The following MINDY2 variants were observed in gnomAD, a reference collection of about 807,000 sequenced individuals.
MINDY2 encodes ubiquitin carboxyl-terminal hydrolase MINDY-2.
MINDY2 carries 52 observed loss-of-function variants against 68.2 expected under a neutral mutation model. The ratio of observed to expected loss-of-function variants is 0.76; its 90% CI spans 0.61 to 0.96. The LOEUF (loss-of-function observed/expected upper bound fraction) is 0.96. Ranked by LOEUF, MINDY2 falls within the 40% of genes least tolerant of loss-of-function variation. The pLI is 0.00. For synonymous variants in MINDY2, 372 were observed against 303.0 expected, an observed-to-expected ratio of 1.23 and a Z score of -2.36; for missense variants, 881 against 773.4, an observed-to-expected ratio of 1.14 and a Z score of -1.65.
intron 1 of MINDY2, among the ~76,000 whole-genome samples, chr15:58,774,987 G>C (rs1277190834): frequency 6.6e-6 from 1 of 152,164 alleles, no homozygotes; most frequent in African/African-American, 2.4e-5. Context: ...CCAGTCATAA[G>C]TAATCATTGA....
intron 7 of MINDY2, 59 bp downstream of exon 7, chr15:58,847,529 T>G: frequency 7.1e-7 from 1 of 1,407,574 alleles, no homozygotes; most frequent in Non-Finnish European, 9.5e-7. Context: ...CAAATGTGAA[T>G]TCATGTATCC....
intron 1 of MINDY2, among the ~76,000 whole-genome samples, chr15:58,775,639 A>G (rs1403343941): frequency 2.0e-5 from 3 of 152,208 alleles, no homozygotes; most frequent in Non-Finnish European, 2.9e-5. Flanking sequence ...AATGATGACT[A>G]TAAGAAGTGA....
intron 5 of MINDY2, among the ~76,000 whole-genome samples, chr15:58,824,923 A>G (rs1341570655): frequency 1.3e-5 from 2 of 151,848 alleles, no homozygotes; most frequent in Admixed American, 6.6e-5. Context: ...GCCAGCCTCA[A>G]CCTCCCAAAG....
At chr15:58,835,514 A>G (rs375842450) in intron 6 of MINDY2, among the ~76,000 whole-genome samples, 1 of 152,060 alleles carries the variant, frequency 6.6e-6, no homozygotes, top group Non-Finnish European at 1.5e-5. Context: ...TTAGCTGGGC[A>G]TGGTGGTGGG....
chr15:58,787,140 C>CTTTTTTT (rs58374538), intron 1 of MINDY2, among the ~76,000 whole-genome samples: 45 of 78,132 alleles, frequency 5.8e-4, no homozygotes, highest in Admixed American at 9.3e-4. Flanking sequence ...CATTTCTTTA[C>CTTTTTTT]TTTTTTTTTT....
intron 4 of MINDY2, among the ~76,000 whole-genome samples, chr15:58,816,028 T>C (rs1392590973): frequency 6.6e-6 from 1 of 152,154 alleles, no homozygotes; most frequent in Non-Finnish European, 1.5e-5. Flanking sequence ...CACTAGAATA[T>C]AGGTTTTATA....
chr15:58,817,415 G>A (rs1343377924), intron 4 of MINDY2, among the ~76,000 whole-genome samples: 3 of 152,168 alleles, frequency 2.0e-5, no homozygotes, highest in African/African-American at 7.2e-5. Context: ...ACATCAGACT[G>A]GCTAACATTT....
At chr15:58,840,628 CTTATTA>C (rs71119408) in intron 6 of MINDY2, among the ~76,000 whole-genome samples, 6,966 of 139,178 alleles carry the variant, frequency 0.05, 340 homozygotes, top group African/African-American at 0.12. Context: ...TATTTATTTA[CTTATTA>C]TTATTATTAT....
intron 6 of MINDY2, among the ~76,000 whole-genome samples, chr15:58,837,968 CA>C (rs34909401): frequency 0.23 from 17,382 of 75,224 alleles, 859 homozygotes; most frequent in East Asian, 0.4. Flanking sequence ...GACCTTCTTT[CA>C]AAAAAAAAAA....
intron 6 of MINDY2, among the ~76,000 whole-genome samples, chr15:58,841,682 G>A (rs1410954809): frequency 6.6e-6 from 1 of 152,182 alleles, no homozygotes; most frequent in African/African-American, 2.4e-5. Flanking sequence ...TGGGATTACA[G>A]GCGTGAGCCA....
rs1425027733 is a variant in MINDY2, at chr15:58,777,624, A to C, written c.840+5389A>C. ...CCCCATCTCTATAAAAGAAAAAAAAACTTTTTTTTAATTATAAAAAAAGAA... is the reference window on the plus strand; with the variant it reads ...CCCCATCTCTATAAAAGAAAAAAAACCTTTTTTTTAATTATAAAAAAAGAA... On this transcript the variant is annotated intron_variant, in intron 1 of 8. Coordinates refer to ENST00000559228, the MANE Select transcript of MINDY2 (RefSeq NM_001040450.3). 5.3e-5 allele frequency among the ~76,000 whole-genome samples: 8 copies of C among 152,210 alleles called. No homozygotes were observed. In the South Asian group the frequency reaches 6.2e-4, roughly 12 times the overall value.
At chr15:58,841,620 G>C (rs562172345) in intron 6 of MINDY2, among the ~76,000 whole-genome samples, 1 of 152,020 alleles carries the variant, frequency 6.6e-6, no homozygotes, top group South Asian at 2.1e-4. Context: ...CGTCAGGCTG[G>C]TCTCGAACTC....
chr15:58,850,513 G>C (rs1174807503), intron 7 of MINDY2, among the ~76,000 whole-genome samples: 1 of 152,176 alleles, frequency 6.6e-6, no homozygotes, highest in African/African-American at 2.4e-5. Context: ...ATGGTTTTCA[G>C]TTTTGTCTGA....
chr15:58,812,671 G>T (rs1358378548), intron 4 of MINDY2, among the ~76,000 whole-genome samples: 1 of 152,056 alleles, frequency 6.6e-6, no homozygotes, highest in Non-Finnish European at 1.5e-5. Context: ...ACTAGCCTGG[G>T]CAACATGGCA....
chr15:58,823,710 T>C (rs1468082601), intron 5 of MINDY2, among the ~76,000 whole-genome samples: 1 of 151,674 alleles, frequency 6.6e-6, no homozygotes, highest in Non-Finnish European at 1.5e-5. Flanking sequence ...ATAGAGTCGT[T>C]GATCATTGAT....
chr15:58,849,150 C>T (rs1423614913), intron 7 of MINDY2, among the ~76,000 whole-genome samples: 1 of 151,088 alleles, frequency 6.6e-6, no homozygotes, highest in Non-Finnish European at 1.5e-5. Context: ...GCGGAAGTTG[C>T]AGTGAGCCAA....
At chr15:58,795,601 T>C (rs1228768851) in intron 2 of MINDY2, among the ~76,000 whole-genome samples, 2 of 152,054 alleles carry the variant, frequency 1.3e-5, no homozygotes, top group African/African-American at 4.8e-5. Flanking sequence ...AGACAGGGTT[T>C]CACCGTGTTA....
At chr15:58,838,467 A>G (rs1252427752) in intron 6 of MINDY2, among the ~76,000 whole-genome samples, 7 of 152,006 alleles carry the variant, frequency 4.6e-5, no homozygotes, top group Non-Finnish European at 8.8e-5. Flanking sequence ...TTTCCACTTC[A>G]GTGGTGTTTA....
At chr15:58,774,747 G>A (rs113205642) in intron 1 of MINDY2, among the ~76,000 whole-genome samples, 6 of 152,272 alleles carry the variant, frequency 3.9e-5, no homozygotes, top group African/African-American at 1.4e-4. Flanking sequence ...AAAGAGAATA[G>A]TGTATTGAAA....
Sources: gnomAD v4.1 joint callset for allele counts (sites outside exome capture counted in the v4.1 genomes callset) on GRCh38, gnomAD v4.1.1 for gene constraint, MANE v1.5 for transcripts, NCBI Gene and HGNC (gene_info 2026-07-23, HGNC 2026-07-21) for gene names.